Variants in HERC6 observed in about 807,000 individuals in gnomAD.
HERC6 encodes the protein HECT and RLD domain containing E3 ubiquitin protein ligase family member 6, also known as probable E3 ubiquitin-protein ligase HERC6.
Under a neutral mutation model 114.5 loss-of-function variants are expected in HERC6, and 101 were observed. The observed-to-expected ratio is 0.88, with a 90% CI of 0.75 to 1.04. HERC6 has a LOEUF of 1.04. Among genes scored for constraint, HERC6 ranks in the 50% least tolerant of loss-of-function variants. The probability of loss-of-function intolerance (pLI) is 0.00; values close to 1 mark genes in which losing one functional copy is unlikely to be tolerated. For synonymous variants in HERC6, 408 were observed against 436.2 expected (o/e 0.94, Z 0.81); for missense variants, 1,133 against 1,230.9 (o/e 0.92, Z 1.19).
intron 8 of HERC6, among the ~76,000 whole-genome samples, chr4:88,402,611 C>A (rs1473150978): frequency 6.6e-6 from 1 of 151,970 alleles, no homozygotes; most frequent in African/African-American, 2.4e-5. Flanking sequence ...TCTGAAGTAA[C>A]CAAGAGTGAG....
chr4:88,420,699 G>A (rs147132459), intron 13 of HERC6, among the ~76,000 whole-genome samples: 4,075 of 152,150 alleles, frequency 0.027, 82 homozygotes, highest in Non-Finnish European at 0.042. Flanking sequence ...TGGGAAGCTA[G>A]GGTGGAAAGA....
At chr4:88,404,449 A>G (rs189562054) in intron 8 of HERC6, among the ~76,000 whole-genome samples, 62 of 152,252 alleles carry the variant, frequency 4.1e-4, no homozygotes, top group Non-Finnish European at 7.2e-4. Context: ...TCAGCCTCCC[A>G]AAGTGCTGGG....
intron 2 of HERC6, among the ~76,000 whole-genome samples, chr4:88,385,035 A>G (rs369219686): frequency 3.3e-5 from 5 of 149,460 alleles, no homozygotes; most frequent in Non-Finnish European, 7.4e-5. Context: ...AAAAAAAAAA[A>G]GGAAATTGCT....
chr4:88,430,612 A>T lies in HERC6; in HGVS notation c.2107-550A>T, dbSNP rs186285078. Among the ~76,000 whole-genome samples the T allele has an allele frequency of 2.4e-4, 36 of 152,002 alleles. 1 individual carries two copies. The highest frequency in any genetic ancestry group is 8.4e-4 in the African/African-American group (35 of 41,440). ...AATAAATAAATAAATAAATAAATAA[A>T]AAGAGGGACTGGTTAATGCTGATTT... On this transcript the variant is annotated intron_variant, in intron 16 of 22. Transcript: ENST00000264346.
At chr4:88,428,050 C>G (rs778157186) in intron 15 of HERC6, among the ~76,000 whole-genome samples, 2 of 152,158 alleles carry the variant, frequency 1.3e-5, no homozygotes, top group Admixed American at 6.5e-5. Context: ...AATGAGGCCA[C>G]CTGTGGCATA....
At chr4:88,421,302 A>T (rs1399444113) in intron 13 of HERC6, among the ~76,000 whole-genome samples, 1 of 152,170 alleles carries the variant, frequency 6.6e-6, no homozygotes, top group Non-Finnish European at 1.5e-5. Flanking sequence ...GTATATACCC[A>T]AGAGTGGGAT....
chr4:88,440,372 T>C, intron 22 of HERC6, 122 bp downstream of exon 22: 2 of 640,150 alleles, frequency 3.1e-6, no homozygotes, highest in Non-Finnish European at 5.5e-6. Flanking sequence ...GTTCTTTGTC[T>C]CACAGCCATG....
intron 9 of HERC6, 111 bp downstream of exon 9, chr4:88,405,108 C>T (rs1324368262): frequency 1.5e-6 from 2 of 1,344,626 alleles, no homozygotes; most frequent in Non-Finnish European, 2.0e-6. Flanking sequence ...GCATTTTGAC[C>T]ATGATTCTCT....
chr4:88,437,276 C>G (rs1738859221), intron 19 of HERC6, among the ~76,000 whole-genome samples: 1 of 152,028 alleles, frequency 6.6e-6, no homozygotes, highest in Non-Finnish European at 1.5e-5. Context: ...AGGCTGGTCT[C>G]TAACTCCTGG....
intron 17 of HERC6, among the ~76,000 whole-genome samples, chr4:88,433,340 G>A (rs1273831949): frequency 2.0e-5 from 3 of 152,076 alleles, no homozygotes; most frequent in Non-Finnish European, 2.9e-5. Context: ...CACATGTTGA[G>A]CTTCTATTGT....
intron 3 of HERC6, among the ~76,000 whole-genome samples, chr4:88,386,199 CTT>C (rs1262540915): frequency 6.1e-5 from 8 of 131,926 alleles, no homozygotes; most frequent in African/African-American, 8.3e-5. Context: ...TTTTTCTTTT[CTT>C]TTTTTTTTTT....
chr4:88,396,056 G>T lies in HERC6; in HGVS notation c.801G>T (p.Gln267His). The T allele has an allele frequency of 6.2e-7, 1 of 1,608,182 alleles. No homozygotes were observed. ...VFTFGDNRSG[Q>H]LGYSPTPEKR... Reference sequence around the variant, plus strand: ...CATTTGGAGACAATCGCTCTGGACAGCTGGGATACAGCCCCACTCCTGAGA... The same window carrying T: ...CATTTGGAGACAATCGCTCTGGACATCTGGGATACAGCCCCACTCCTGAGA... The change falls in exon 6 of 23, where the codon CAG becomes CAT. Residue 267 changes from glutamine (Q) to histidine (H), a missense_variant. Physicochemically the swap from Gln to His is conservative, Grantham distance 24. This residue lies in a region of HERC6 where 735 missense variants were observed against 754.0 expected (regional missense o/e 0.97). Transcript: ENST00000264346.
At chr4:88,405,509 G>T (rs1735775057) in intron 9 of HERC6, 45 bp from the exon 10 acceptor site, 1 of 1,040,142 alleles carries the variant, frequency 9.6e-7, no homozygotes, top group Non-Finnish European at 1.4e-6. Context: ...CAAAAGGCAT[G>T]CTTTATTATA....
Position 88,442,263 on chromosome 4 carries a change from G to T in HERC6, c.2872G>T (p.Ala958Ser). 6.2e-7 allele frequency: 1 copy of T among 1,612,692 alleles called. No homozygotes were observed. Among genetic ancestry groups the T allele is most frequent in the South Asian group, 1.1e-5 (1 of 90,760 alleles). Residue 958 changes from alanine to serine, a missense_variant, in exon 23 of 23, where the codon GCA (alanine) becomes TCA (serine). Ala to Ser is a moderately conservative substitution (Grantham distance 99, BLOSUM62 1). This residue lies in a region of HERC6 where 388 missense variants were observed against 445.9 expected (regional missense o/e 0.87). Coordinates refer to ENST00000264346, the MANE Select transcript of HERC6 (RefSeq NM_017912.4). Reference protein sequence around the residue: ...FFLTGRDRLHARGIQKMEIVF... With the variant: ...FFLTGRDRLHSRGIQKMEIVF... The stretch of plus-strand genomic sequence containing the variant: ...CCTTACAGGACGTGATAGGCTGCAT[G>T]CAAGAGGCATACAGAAAATGGAAAT...
Position 88,393,496 on chromosome 4 carries a change from A to G in HERC6, c.673A>G (p.Asn225Asp). ...CTGCTTTCTTTCAACAGTGCAAAGCAACAAGCCTCTCTCAGTCGGTGCACT... is the reference window on the plus strand; with the variant it reads ...CTGCTTTCTTTCAACAGTGCAAAGCGACAAGCCTCTCTCAGTCGGTGCACT... ...LSGRNVPVQS[N>D]KPLSVGALKN... Residue 225 changes from asparagine to aspartate, a missense_variant, in exon 5 of 23, where the codon AAC becomes GAC. Physicochemically the swap from Asn to Asp is conservative, Grantham distance 23 (BLOSUM62 1). This residue lies in a region of HERC6 where 735 missense variants were observed against 754.0 expected (regional missense o/e 0.97). Coordinates refer to ENST00000264346, the MANE Select transcript of HERC6 (RefSeq NM_017912.4). 1 of 1,609,760 alleles carries G rather than the reference A, an allele frequency of 6.2e-7. No individual in the cohort carries two copies. Among genetic ancestry groups the G allele is most frequent in the Non-Finnish European group, 8.5e-7 (1 of 1,176,958 alleles).
At chr4:88,437,025 A>C in intron 19 of HERC6, 54 bp downstream of exon 19, 1 of 1,297,818 alleles carries the variant, frequency 7.7e-7, no homozygotes, top group Non-Finnish European at 1.1e-6. Context: ...TTTCTAAAAA[A>C]TAATTTTTAT....
At chr4:88,434,836 T>C (rs1738579959) in intron 17 of HERC6, among the ~76,000 whole-genome samples, 1 of 151,124 alleles carries the variant, frequency 6.6e-6, no homozygotes, top group Non-Finnish European at 1.5e-5. Flanking sequence ...AAATCAGCTA[T>C]AACCAAGGGA....
intron 3 of HERC6, 121 bp from the exon 4 acceptor site, chr4:88,390,531 A>T: frequency 1.1e-6 from 1 of 894,304 alleles, no homozygotes. Context: ...AATAGATGAA[A>T]TTTTTATTTG....
At chr4:88,393,446 G>C in intron 4 of HERC6, 42 bp from the exon 5 acceptor site, 1 of 1,150,764 alleles carries the variant, frequency 8.7e-7, no homozygotes, top group African/African-American at 1.5e-5. Flanking sequence ...TGAAATCTGA[G>C]TCTGTTTCTT....
Sources: allele counts gnomAD v4.1 joint callset (sites outside exome capture counted in the v4.1 genomes callset), GRCh38; gene constraint gnomAD v4.1.1; regional missense constraint gnomAD v4.1.1; transcripts MANE v1.5; gene names NCBI Gene and HGNC (gene_info 2026-07-23, HGNC 2026-07-21).